The following TBC1D10B variants were observed in gnomAD, a reference collection of about 807,000 sequenced individuals.
TBC1D10B encodes the protein TBC1 domain family member 10B, also known as Rab27A-GAPbeta.
A neutral mutation model predicts 78.4 loss-of-function variants in TBC1D10B; 25 were observed. The ratio of observed to expected loss-of-function variants is 0.32; its 90% CI spans 0.23 to 0.45. The LOEUF (loss-of-function observed/expected upper bound fraction) is 0.45, where lower values mean the gene tolerates loss of function less well. Among genes scored for constraint, TBC1D10B ranks in the 20% least tolerant of loss-of-function variants. The pLI, the probability that TBC1D10B is intolerant of heterozygous loss-of-function variation, is 1.00. For synonymous variants in TBC1D10B, 517 were observed against 478.0 expected, an observed-to-expected ratio of 1.08 and a Z score of -1.06; for missense variants, 996 against 1,104.8, an observed-to-expected ratio of 0.90 and a Z score of 1.40.
At chr16:30,359,705 G>A (rs751954154) in intron 5 of TBC1D10B, 22 bp downstream of exon 5, 11 of 1,559,620 alleles carry the variant, frequency 7.1e-6, no homozygotes, top group Admixed American at 3.9e-5. Flanking sequence ...TGCCCCTCCC[G>A]GCCCAGGACC....
At chr16:30,360,401 C>G (rs1199839564) in intron 4 of TBC1D10B, 1 of 155,182 alleles carries the variant, frequency 6.4e-6, no homozygotes, top group African/African-American at 2.4e-5. Flanking sequence ...AGAAAAGAGC[C>G]CCTTACTCCA....
In TBC1D10B at chr16:30,358,828, G is replaced by T. The variant is rs994506649; in HGVS notation, c.1643-11C>A. 1 of 1,599,232 alleles carries T rather than the reference G, an allele frequency of 6.3e-7. No homozygotes were observed. ...AGATGATCTTAACGCCTGCAGGGGT[G>T]GAGAGTAGAGAGCATGGGGTGGTCA... is the stretch of plus-strand genomic sequence containing the variant. On this transcript the variant is annotated splice_polypyrimidine_tract_variant and intron_variant, in intron 7 of 8. Transcript: ENST00000409939.
intron 7 of TBC1D10B, 126 bp from the exon 8 acceptor site, chr16:30,358,943 T>C (rs988827545): frequency 3.8e-6 from 5 of 1,314,658 alleles, no homozygotes; most frequent in African/African-American, 3.0e-5. Flanking sequence ...ACTGAGGCCC[T>C]GTGAAAGTAC....
At chr16:30,366,626 T>C (rs1489347479) in intron 1 of TBC1D10B, 3 of 152,208 alleles carry the variant, frequency 2.0e-5, no homozygotes, top group African/African-American at 4.8e-5. Flanking sequence ...TGCAATTTAC[T>C]CTACCTCCTC....
In TBC1D10B at chr16:30,365,219, C is replaced by A; in HGVS notation, c.1057-7G>T. ...TCCGGCAGCGCAGCTTCACCTAAGG[C>A]AAAGTGGCAGGAGGGGGACAGCTTC... On this transcript the variant is annotated splice_polypyrimidine_tract_variant and splice_region_variant and intron_variant, in intron 2 of 8. Transcript: ENST00000409939. This position sits in a 1 kb window ranked among gnomAD's most constrained non-coding sequence, Gnocchi z 5.0. The A allele has an allele frequency of 6.2e-7, 1 of 1,613,234 alleles. No individual in the cohort carries two copies. Among genetic ancestry groups the A allele is most frequent in the Non-Finnish European group, 8.5e-7 (1 of 1,179,336 alleles).
In TBC1D10B at chr16:30,365,899, T is replaced by C. The variant is rs1175214991; in HGVS notation, c.957-305A>G. 2.9e-6 allele frequency: 1 copy of C among 343,636 alleles called. No individual in the cohort carries two copies. Among genetic ancestry groups the C allele is most frequent in the Non-Finnish European group, 5.6e-6 (1 of 179,778 alleles). The allele number at this position is 343,636 out of a possible 1,614,324, so 21.3% of individuals were successfully genotyped here. A position where few individuals can be genotyped will look rare whatever the true frequency, so the allele number is the denominator to read the frequency against. ...TTAGATCTGGATCCACGTCCTAGCT[T>C]TACCATTTATTCATTGTGTGACCTT... On this transcript the variant is annotated intron_variant, in intron 1 of 8. Coordinates refer to ENST00000409939, the MANE Select transcript of TBC1D10B (RefSeq NM_015527.4). This position sits in a 1 kb window ranked among gnomAD's most constrained non-coding sequence, Gnocchi z 5.0.
rs2049564488 is a variant in TBC1D10B at position 30,357,841 on chromosome 16, CAAGGGACAG to C, written c.*94_*102del. ...TGGGGAACCAAGCCACTTTCCCCAG[CAAGGGACAG>C]CCTGACAAGGTGCTAGGGGGTGGCA... is the stretch of plus-strand genomic sequence containing the variant. On this transcript the variant is annotated 3_prime_UTR_variant, in exon 9 of 9. Transcript: ENST00000409939. The C allele has an allele frequency of 7.0e-7, 1 of 1,431,818 alleles. No homozygotes were observed. The highest frequency in any genetic ancestry group is 9.2e-7 in the Non-Finnish European group (1 of 1,090,192). 88.7% of individuals were successfully genotyped at this position (1,431,818 alleles called of 1,614,324 possible).
At chr16:30,361,130 C>T (rs1010702831) in intron 4 of TBC1D10B, among the ~76,000 whole-genome samples, 2 of 152,066 alleles carry the variant, frequency 1.3e-5, no homozygotes, top group African/African-American at 4.8e-5. Context: ...ACCAAAAATA[C>T]AAAAATTAGC....
Position 30,358,264 on chromosome 16 carries a change from G to T in TBC1D10B, c.2107C>A (p.Pro703Thr). 6.3e-7 allele frequency: 1 copy of T among 1,579,124 alleles called. No homozygotes were observed. The highest frequency in any genetic ancestry group is 8.6e-7 in the Non-Finnish European group (1 of 1,162,518). ...GPVVTAEGLH[P>T]SLPSPTGNST... ...TTGCCAGTGGGTGAGGGAAGGGATG[G>T]ATGCAGTCCCTCAGCAGTGACCACA... The change falls in exon 9 of 9, where the codon CCA becomes ACA. Residue 703 changes from proline (P) to threonine (T), a missense_variant. By Grantham distance (38) the Pro-to-Thr change is conservative. Transcript: ENST00000409939.
At position 30,370,242 on chromosome 16, in the gene TBC1D10B, C is replaced by T; in HGVS notation, c.-59G>A. On this transcript the variant is annotated 5_prime_UTR_variant, in exon 1 of 9. Coordinates refer to ENST00000409939, the MANE Select transcript of TBC1D10B (RefSeq NM_015527.4). The stretch of plus-strand genomic sequence containing the variant: ...GGAGGCCGCAGAAGGCGCCGCCCCT[C>T]GGGCCTCCCGGCGAGGCCAGCCGAG... 1.1e-6 allele frequency: 1 copy of T among 934,160 alleles called. No individual in the cohort carries two copies. The highest frequency in any genetic ancestry group is 5.0e-5 in the South Asian group (1 of 19,878). The allele number at this position is 934,160 out of a possible 1,614,324, so 57.9% of individuals were successfully genotyped here.
At chr16:30,367,809 G>A (rs1303208628) in intron 1 of TBC1D10B, 1 of 152,202 alleles carries the variant, frequency 6.6e-6, no homozygotes. Flanking sequence ...CGCTGCGAAA[G>A]TAACATGGAT....
chr16:30,364,022 C>CAGG (rs2049616864), intron 4 of TBC1D10B, among the ~76,000 whole-genome samples: 1 of 150,606 alleles, frequency 6.6e-6, no homozygotes, highest in South Asian at 2.1e-4. Context: ...GAGACTGAGG[C>CAGG]AGGAGAATCA....
intron 5 of TBC1D10B, 31 bp from the exon 6 acceptor site, chr16:30,359,634 G>A (rs551098831): frequency 7.7e-6 from 12 of 1,556,740 alleles, no homozygotes; most frequent in Non-Finnish European, 1.0e-5. Context: ...GAGGAGGGGT[G>A]GGGCCTGAGA....
Position 30,369,431 on chromosome 16 carries a change from G to A in TBC1D10B, c.753C>T (p.Ser251=). Residue 251 remains serine (S), a synonymous_variant, in exon 1 of 9, where the codon AGC becomes AGT. Coordinates refer to ENST00000409939, the MANE Select transcript of TBC1D10B (RefSeq NM_015527.4). The surrounding 1 kb of genome is among the most constrained non-coding windows in gnomAD (Gnocchi z 4.3). ...ENSQDLGSTS[S]LGPGISGPRG... is the part of the protein sequence containing the mutation. ...GAGGCCCAGAGATGCCAGGTCCCAGGCTGGACGTGGAGCCCAGGTCTTGAG... is the reference window on the plus strand; with the variant it reads ...GAGGCCCAGAGATGCCAGGTCCCAGACTGGACGTGGAGCCCAGGTCTTGAG... 6.4e-7 allele frequency: 1 copy of A among 1,562,424 alleles called. No individual in the cohort carries two copies. The highest frequency in any genetic ancestry group is 1.4e-5 in the African/African-American group (1 of 73,574).
Position 30,369,826 on chromosome 16 carries a change from C to T in TBC1D10B, c.358G>A (p.Val120Ile). 7.1e-7 allele frequency: 1 copy of T among 1,412,040 alleles called. No individual in the cohort carries two copies. Among genetic ancestry groups the T allele is most frequent in the Middle Eastern group, 1.8e-4 (1 of 5,446 alleles). The allele number at this position is 1,412,040 out of a possible 1,614,324, so 87.5% of individuals were successfully genotyped here. The change falls in exon 1 of 9, where the codon GTT (valine) becomes ATT (isoleucine). Residue 120 changes from valine to isoleucine, a missense_variant. Around this residue, in one of 5 missense-constraint regions of TBC1D10B, gnomAD observed 448 missense variants for 442.1 expected, o/e 1.01. Coordinates refer to ENST00000409939, the MANE Select transcript of TBC1D10B (RefSeq NM_015527.4). The surrounding 1 kb of genome is among the most constrained non-coding windows in gnomAD (Gnocchi z 4.3). The stretch of plus-strand genomic sequence containing the variant: ...GCGGCCAGAGCCCTCGATGTCTCAA[C>T]TCCAGCCACTGCCGCGGGCTCTGGG... ...ESPEPAAVAG[V>I]ETSRALAAGA...
chr16:30,367,315 A>G (rs994918134), intron 1 of TBC1D10B: 2 of 152,232 alleles, frequency 1.3e-5, no homozygotes, highest in African/African-American at 4.8e-5. Context: ...GGCTCGTTAA[A>G]TGTTAGTTTC....
At chr16:30,361,741 C>T (rs1179761882) in intron 4 of TBC1D10B, among the ~76,000 whole-genome samples, 2 of 151,384 alleles carry the variant, frequency 1.3e-5, no homozygotes, top group African/African-American at 2.4e-5. Context: ...GACAGAGTTT[C>T]GCTCTTGTTG....
chr16:30,368,376 TC>T (rs1407612718), intron 1 of TBC1D10B, among the ~76,000 whole-genome samples: 3 of 152,212 alleles, frequency 2.0e-5, no homozygotes, highest in Non-Finnish European at 4.4e-5. Flanking sequence ...TAAGTACTTT[TC>T]TTTCTCTCCA....
chr16:30,360,901 A>C (rs1403601708), intron 4 of TBC1D10B, among the ~76,000 whole-genome samples: 1 of 151,560 alleles, frequency 6.6e-6, no homozygotes. Context: ...CACCACTCCA[A>C]CAACCCTCCC....
Sources: allele counts gnomAD v4.1 joint callset (sites outside exome capture counted in the v4.1 genomes callset), GRCh38; gene constraint gnomAD v4.1.1; regional missense constraint gnomAD v4.1.1; non-coding constraint Gnocchi (gnomAD v3.1); transcripts MANE v1.5; gene names NCBI Gene and HGNC (gene_info 2026-07-23, HGNC 2026-07-21).